DENND2B: variants seen among roughly 807,000 people sequenced by gnomAD.
DENND2B encodes DENN domain containing 2B.
Under a neutral mutation model 116.0 loss-of-function variants are expected in DENND2B, and 32 were observed. The observed-to-expected ratio is 0.28, with a 90% CI of 0.21 to 0.37. The LOEUF (loss-of-function observed/expected upper bound fraction) is 0.37, where lower values mean the gene tolerates loss of function less well. Among genes scored for constraint, DENND2B ranks in the 10% least tolerant of loss-of-function variants. DENND2B has a pLI of 1.00. For synonymous variants in DENND2B, 588 were observed against 583.9 expected, an observed-to-expected ratio of 1.01 and a Z score of -0.10; for missense variants, 1,276 against 1,477.7, an observed-to-expected ratio of 0.86 and a Z score of 2.24.
At chr11:8,777,912 T>C (rs1428634251) in intron 1 of DENND2B, among the ~76,000 whole-genome samples, 1 of 152,256 alleles carries the variant, frequency 6.6e-6, no homozygotes, top group East Asian at 1.9e-4. Context: ...GCTGTTGCTT[T>C]TTATAGCATG....
At chr11:8,758,793 T>C (rs2054065155) in intron 1 of DENND2B, among the ~76,000 whole-genome samples, 1 of 152,084 alleles carries the variant, frequency 6.6e-6, no homozygotes, top group Non-Finnish European at 1.5e-5. Flanking sequence ...CTCCACCTGG[T>C]CCACTCGGCT....
At chr11:8,794,768 C>G (rs2059669913) in intron 1 of DENND2B, 1 of 152,274 alleles carries the variant, frequency 6.6e-6, no homozygotes, top group South Asian at 2.1e-4. Flanking sequence ...CCAAGGTCAC[C>G]TGCTCAGGCA....
intron 16 of DENND2B, 157 bp from the exon 17 acceptor site, chr11:8,697,793 G>T: frequency 1.6e-6 from 1 of 636,200 alleles, no homozygotes; most frequent in South Asian, 1.8e-5. Flanking sequence ...AGGAACTGAA[G>T]CACAGAAAGG....
At chr11:8,822,911 A>C (rs2061820447) in intron 4 of DENND2B, among the ~76,000 whole-genome samples, 1 of 152,250 alleles carries the variant, frequency 6.6e-6, no homozygotes. Context: ...TCCAGAAAAG[A>C]ATATATAAAA....
At chr11:8,802,444 A>G (rs772074985) in intron 1 of DENND2B, among the ~76,000 whole-genome samples, 1 of 152,232 alleles carries the variant, frequency 6.6e-6, no homozygotes, top group Non-Finnish European at 1.5e-5. Context: ...TTACAGCCCC[A>G]TGAGATAATG....
upstream of DENND2B, among the ~76,000 whole-genome samples, chr11:8,875,151 G>A (rs143248542): frequency 0.076 from 11,509 of 151,766 alleles, 665 homozygotes; most frequent in East Asian, 0.23. Context: ...GTGAAACCTC[G>A]TCTCTACTAA....
Position 8,699,202 on chromosome 11 carries a change from C to T in DENND2B, c.2898+11G>A, listed in dbSNP as rs201751603. The T allele has an allele frequency of 3.8e-5, 59 of 1,548,198 alleles. No homozygotes were observed. The highest frequency in any genetic ancestry group is 5.0e-5 in the South Asian group (4 of 80,002). On this transcript the variant is annotated intron_variant, in intron 15 of 19. Coordinates refer to ENST00000313726, the MANE Select transcript of DENND2B (RefSeq NM_213618.2). ...CACCCTTCCCCCCAGCTGGTTCCCC[C>T]GGTGGCCCACCTCCTCCACAGGCAG...
At chr11:8,811,971 T>C (rs2061397169), upstream of DENND2B, among the ~76,000 whole-genome samples, 1 of 152,182 alleles carries the variant, frequency 6.6e-6, no homozygotes, top group African/African-American at 2.4e-5. Flanking sequence ...ACTCCTGGCT[T>C]CACGCAATCC....
chr11:8,695,619 G>A, intron 18 of DENND2B, 70 bp from the exon 19 acceptor site: 1 of 1,357,602 alleles, frequency 7.4e-7, no homozygotes. Context: ...CCTACATGAA[G>A]GGAACCATGG....
intron 1 of DENND2B, chr11:8,871,327 C>T: frequency 6.6e-6 from 1 of 152,464 alleles, no homozygotes; most frequent in Non-Finnish European, 1.5e-5. Flanking sequence ...AACTGGACGG[C>T]CCTCACCTCC....
chr11:8,786,675 T>C (rs1307569366), intron 1 of DENND2B, among the ~76,000 whole-genome samples: 1 of 152,168 alleles, frequency 6.6e-6, no homozygotes, highest in Admixed American at 6.5e-5. Flanking sequence ...CTGGGCATGG[T>C]GGTGCACCTC....
chr11:8,761,772 C>T (rs1203710449), intron 1 of DENND2B, among the ~76,000 whole-genome samples: 2 of 152,140 alleles, frequency 1.3e-5, no homozygotes, highest in Admixed American at 1.3e-4. Flanking sequence ...ACAAGCTGCA[C>T]CTTCTCCGAG....
Position 8,730,357 on chromosome 11 carries a change from G to C in DENND2B, c.933C>G (p.Asp311Glu), listed in dbSNP as rs1462102229. 1 of 1,602,376 alleles carries C rather than the reference G, an allele frequency of 6.2e-7. No homozygotes were observed. Among genetic ancestry groups the C allele is most frequent in the Non-Finnish European group, 8.5e-7 (1 of 1,179,060 alleles). The change falls in exon 3 of 20, where the codon GAC becomes GAG. Residue 311 changes from aspartate (D) to glutamate (E), a missense_variant. Physicochemically the swap from Asp to Glu is conservative, Grantham distance 45. Around this residue, in one of 2 missense-constraint regions of DENND2B, gnomAD observed 856 missense variants for 846.6 expected, o/e 1.01. Transcript: ENST00000313726. This position sits in a 1 kb window ranked among gnomAD's most constrained non-coding sequence, Gnocchi z 4.1. ...PQLPSSCYSV[D>E]RGKRKTGTLG... ...AGGTTCCAGTCTTCCTTTTCCCCCGGTCCACGCTGTAGCAGCTGCTGGGGA... is the reference window on the plus strand; with the variant it reads ...AGGTTCCAGTCTTCCTTTTCCCCCGCTCCACGCTGTAGCAGCTGCTGGGGA...
At chr11:8,904,655 A>G (rs2064213072) in intron 1 of DENND2B, among the ~76,000 whole-genome samples, 1 of 152,184 alleles carries the variant, frequency 6.6e-6, no homozygotes, top group Non-Finnish European at 1.5e-5. Flanking sequence ...CTGATCCAGT[A>G]TACAGAAAAT....
At chr11:8,859,642 C>G (rs1190378134) in intron 2 of DENND2B, among the ~76,000 whole-genome samples, 1 of 152,158 alleles carries the variant, frequency 6.6e-6, no homozygotes. Flanking sequence ...TGGATTATAT[C>G]ATGTATATTT....
intron 1 of DENND2B, among the ~76,000 whole-genome samples, chr11:8,769,858 C>T (rs1029665764): frequency 2.6e-5 from 4 of 152,108 alleles, no homozygotes; most frequent in Non-Finnish European, 5.9e-5. Context: ...GGGCCAAGTG[C>T]GGTGGCTCAT....
rs114336936 is a variant in DENND2B, at chr11:8,797,992, C to T, written c.-26+12525G>A. Among the ~76,000 whole-genome samples, 168 of 152,276 alleles carry T rather than the reference C, an allele frequency of 1.1e-3. 1 individual carries two copies. Among genetic ancestry groups the T allele is most frequent in the African/African-American group, 3.8e-3 (157 of 41,546 alleles). On this transcript the variant is annotated intron_variant, in intron 1 of 19. Coordinates refer to ENST00000313726, the MANE Select transcript of DENND2B (RefSeq NM_213618.2). ...AACTTTCCCCAAATCTGCACATTAA[C>T]GGCTTCTTCTCATCCTTGAGCTCAC...
chr11:8,740,528 A>AAGTGTT (rs1196570734), intron 2 of DENND2B, among the ~76,000 whole-genome samples: 1 of 152,172 alleles, frequency 6.6e-6, no homozygotes, highest in Non-Finnish European at 1.5e-5. Context: ...GGGCTACTAC[A>AAGTGTT]AGTGTTAGTA....
rs777239099 is a variant in DENND2B, at chr11:8,730,026, A to C, written c.1264T>G (p.Leu422Val). The C allele has an allele frequency of 1.2e-5, 19 of 1,613,980 alleles. No individual in the cohort carries two copies. The highest frequency in any genetic ancestry group is 1.5e-5 in the Non-Finnish European group (18 of 1,180,000). Residue 422 changes from leucine to valine, a missense_variant, in exon 3 of 20, where the codon TTG becomes GTG. Physicochemically the swap from Leu to Val is conservative, Grantham distance 32. Around this residue, in one of 2 missense-constraint regions of DENND2B, gnomAD observed 856 missense variants for 846.6 expected, o/e 1.01. Transcript: ENST00000313726. This position sits in a 1 kb window ranked among gnomAD's most constrained non-coding sequence, Gnocchi z 4.1. ...ACTGGCGGGGCTGGGGTGGAGGGCA[A>C]GGGAGGTGGAGCAGCAGGTGTGGGT... is the stretch of plus-strand genomic sequence containing the variant. ...PSPTPAAPPP[L>V]PSTPAPPVTR...
Sources: allele counts gnomAD v4.1 joint callset (sites outside exome capture counted in the v4.1 genomes callset), GRCh38; gene constraint gnomAD v4.1.1; regional missense constraint gnomAD v4.1.1; non-coding constraint Gnocchi (gnomAD v3.1); transcripts MANE v1.5; gene names NCBI Gene and HGNC (gene_info 2026-07-23, HGNC 2026-07-21).